The following CYTH3 variants were observed in gnomAD, a reference collection of about 807,000 sequenced individuals.
The protein encoded by CYTH3 is cytohesin-3.
Under a neutral mutation model 55.1 loss-of-function variants are expected in CYTH3, and 23 were observed. That is an observed-to-expected ratio of 0.42 (90% CI 0.30 to 0.59). The LOEUF (loss-of-function observed/expected upper bound fraction) is 0.59. Among genes scored for constraint, CYTH3 ranks in the 20% least tolerant of loss-of-function variants. The pLI, the probability that CYTH3 is intolerant of heterozygous loss-of-function variation, is 0.20. For synonymous variants in CYTH3, 249 were observed against 194.9 expected, an observed-to-expected ratio of 1.28 and a Z score of -2.31; for missense variants, 413 against 524.8, an observed-to-expected ratio of 0.79 and a Z score of 2.08.
rs999438917 is a variant in CYTH3 at position 6,164,208 on chromosome 7, TGACAGCCTGACAG to T, written c.*723_*735del. 5 of 152,420 alleles carry T rather than the reference TGACAGCCTGACAG, an allele frequency of 3.3e-5. No individual in the cohort carries two copies. The highest frequency in any genetic ancestry group is 1.2e-4 in the African/African-American group (5 of 41,392). 9.4% of individuals were successfully genotyped at this position (152,420 alleles called of 1,614,324 possible). A position where few individuals can be genotyped will look rare whatever the true frequency, so the allele number is the denominator to read the frequency against. ...CACCTGCTGCCCCCCGGGGCTTGTC[TGACAGCCTGACAG>T]GGCAGGGCTGCACGCTGCCCCCGTG... On this transcript the variant is annotated 3_prime_UTR_variant, in exon 13 of 13. Coordinates refer to ENST00000350796, the MANE Select transcript of CYTH3 (RefSeq NM_004227.4).
chr7:6,244,853 A>G (rs1461495862), intron 1 of CYTH3, among the ~76,000 whole-genome samples: 1 of 149,898 alleles, frequency 6.7e-6, no homozygotes, highest in Non-Finnish European at 1.5e-5. Context: ...CGGTGGTGCA[A>G]TCTCGGCTCA....
chr7:6,249,442 A>T (rs1779904782), intron 1 of CYTH3, among the ~76,000 whole-genome samples: 1 of 152,224 alleles, frequency 6.6e-6, no homozygotes, highest in African/African-American at 2.4e-5. Context: ...AAGGACAGAG[A>T]AGAGTGTAGA....
At chr7:6,224,355 G>C (rs1779185763) in intron 1 of CYTH3, among the ~76,000 whole-genome samples, 2 of 145,038 alleles carry the variant, frequency 1.4e-5, no homozygotes, top group Admixed American at 1.4e-4. Flanking sequence ...ACCGACTATA[G>C]AGCCTAAAAA....
intron 4 of CYTH3, 28 bp downstream of exon 4, chr7:6,187,022 G>C: frequency 1.2e-6 from 2 of 1,607,894 alleles, no homozygotes; most frequent in Non-Finnish European, 1.7e-6. Context: ...ATCTCCTGCA[G>C]GCCAGAAAAG....
chr7:6,211,937 G>C (rs1269195809), intron 1 of CYTH3, among the ~76,000 whole-genome samples: 2 of 152,172 alleles, frequency 1.3e-5, no homozygotes, highest in Non-Finnish European at 2.9e-5. Flanking sequence ...AGTGAGCTGA[G>C]ATTGTGCCAC....
chr7:6,263,802 G>GAA (rs199590342), intron 1 of CYTH3, among the ~76,000 whole-genome samples: 4 of 122,384 alleles, frequency 3.3e-5, no homozygotes, highest in African/African-American at 1.2e-4. Context: ...CTAACTTCAG[G>GAA]AAAAAAAAAA....
At chr7:6,216,276 CAGAG>C (rs1006730223) in intron 1 of CYTH3, among the ~76,000 whole-genome samples, 1 of 152,000 alleles carries the variant, frequency 6.6e-6, no homozygotes, top group African/African-American at 2.4e-5. Flanking sequence ...GTGAGGGACA[CAGAG>C]GGAGGTAAGG....
rs1368971654 is a variant in CYTH3, at chr7:6,163,787, T to C, written c.*1157A>G. On this transcript the variant is annotated 3_prime_UTR_variant, in exon 13 of 13. Transcript: ENST00000350796. ...CTACATGGGGTGAGACTGTTTTTAG[T>C]TAATTCTGTGTCTATTCATTAAGAA... 6 of 152,176 alleles carry C rather than the reference T, an allele frequency of 3.9e-5. No individual in the cohort carries two copies. The highest frequency in any genetic ancestry group is 7.4e-5 in the Non-Finnish European group (5 of 68,026). 9.4% of individuals were successfully genotyped at this position (152,176 alleles called of 1,614,324 possible). A position where few individuals can be genotyped will look rare whatever the true frequency, so the allele number is the denominator to read the frequency against.
chr7:6,187,158 C>T, intron 3 of CYTH3, 42 bp from the exon 4 acceptor site: 1 of 1,568,818 alleles, frequency 6.4e-7, no homozygotes, highest in East Asian at 2.3e-5. Flanking sequence ...ATGCTGTTTT[C>T]ACAATGCAGC....
chr7:6,171,237 T>A lies in CYTH3; in HGVS notation c.527A>T (p.Tyr176Phe). 1 of 1,614,134 alleles carries A rather than the reference T, an allele frequency of 6.2e-7. No individual in the cohort carries two copies. ...DRMMEAFASR[Y>F]CLCNPGVFQS... ...GAAGACCCCGGGGTTGCACAGGCAG[T>A]AGCGAGAAGCGAAAGCCTCCATCAT... The change falls in exon 7 of 13, where the codon TAC (tyrosine) becomes TTC (phenylalanine). Residue 176 changes from tyrosine (Y) to phenylalanine (F), a missense_variant. Tyr to Phe is a conservative substitution (Grantham distance 22). Around this residue, in one of 4 missense-constraint regions of CYTH3, gnomAD observed 156 missense variants for 233.1 expected, o/e 0.67. Transcript: ENST00000350796. The surrounding 1 kb of genome is among the most constrained non-coding windows in gnomAD (Gnocchi z 6.7).
intron 1 of CYTH3, among the ~76,000 whole-genome samples, chr7:6,257,154 T>C (rs968937663): frequency 2.0e-5 from 3 of 152,184 alleles, no homozygotes; most frequent in Non-Finnish European, 4.4e-5. Context: ...ATTCTCGAAA[T>C]GTGTCATGCT....
rs1782858145 is a variant in CYTH3 at position 6,162,366 on chromosome 7, A to C, written c.*2578T>G. The C allele has an allele frequency of 6.6e-6, 1 of 152,208 alleles. No homozygotes were observed. Among genetic ancestry groups the C allele is most frequent in the African/African-American group, 2.4e-5 (1 of 41,456 alleles). 9.4% of individuals were successfully genotyped at this position (152,208 alleles called of 1,614,324 possible). A position where few individuals can be genotyped will look rare whatever the true frequency, so the allele number is the denominator to read the frequency against. On this transcript the variant is annotated 3_prime_UTR_variant, in exon 13 of 13. Coordinates refer to ENST00000350796, the MANE Select transcript of CYTH3 (RefSeq NM_004227.4). Reference sequence around the variant, plus strand: ...CCTCCTGGCCTCTGTCTCTGGAAAAAAGTATCTTTGGCCAGAGTTGGGACT... The same window carrying C: ...CCTCCTGGCCTCTGTCTCTGGAAAACAGTATCTTTGGCCAGAGTTGGGACT...
At chr7:6,251,312 A>G (rs376744689) in intron 1 of CYTH3, among the ~76,000 whole-genome samples, 1 of 151,428 alleles carries the variant, frequency 6.6e-6, no homozygotes, top group East Asian at 1.9e-4. Context: ...TCTGAAAAGA[A>G]AGCTATCAGA....
At chr7:6,177,716 C>T in intron 5 of CYTH3, 107 bp downstream of exon 5, 1 of 854,862 alleles carries the variant, frequency 1.2e-6, no homozygotes, top group Non-Finnish European at 1.9e-6. Context: ...GCCCGTGGCT[C>T]TATCATGCCT....
At chr7:6,255,756 C>CTTTT (rs747330980) in intron 1 of CYTH3, among the ~76,000 whole-genome samples, 2 of 126,380 alleles carry the variant, frequency 1.6e-5, no homozygotes, top group East Asian at 2.2e-4. Context: ...GACCTTTAAT[C>CTTTT]TGTTTTTTTT....
chr7:6,246,177 C>T (rs933385608), intron 1 of CYTH3, among the ~76,000 whole-genome samples: 1 of 151,858 alleles, frequency 6.6e-6, no homozygotes, highest in East Asian at 1.9e-4. Context: ...AACTCTTGAG[C>T]TCAAGTAATC....
intron 1 of CYTH3, among the ~76,000 whole-genome samples, chr7:6,256,058 C>T (rs576065457): frequency 3.9e-5 from 6 of 152,236 alleles, no homozygotes; most frequent in African/African-American, 9.6e-5. Flanking sequence ...CCATTGCGCC[C>T]GGCCAACCTT....
At chr7:6,165,845 G>C in intron 9 of CYTH3, 35 bp from the exon 10 acceptor site, 5 of 1,607,060 alleles carry the variant, frequency 3.1e-6, no homozygotes, top group Middle Eastern at 3.4e-4. Flanking sequence ...TCTGCGCTCC[G>C]TGCACAGGGA....
chr7:6,233,122 T>G (rs1311779750), intron 1 of CYTH3, among the ~76,000 whole-genome samples: 3 of 152,216 alleles, frequency 2.0e-5, no homozygotes, highest in African/African-American at 4.8e-5. Flanking sequence ...TTCCTCATTC[T>G]AAATGTTCTC....
Sources: allele counts gnomAD v4.1 joint callset (sites outside exome capture counted in the v4.1 genomes callset), GRCh38; gene constraint gnomAD v4.1.1; regional missense constraint gnomAD v4.1.1; non-coding constraint Gnocchi (gnomAD v3.1); transcripts MANE v1.5; gene names NCBI Gene and HGNC (gene_info 2026-07-23, HGNC 2026-07-21).